Variants in MYO5B observed in about 807,000 individuals in gnomAD.
The protein encoded by MYO5B is unconventional myosin-Vb.
A neutral mutation model predicts 229.3 loss-of-function variants in MYO5B; 143 were observed. The ratio of observed to expected loss-of-function variants is 0.62; its 90% CI spans 0.54 to 0.72. The LOEUF (loss-of-function observed/expected upper bound fraction) is 0.72. Among genes scored for constraint, MYO5B ranks in the 30% least tolerant of loss-of-function variants. The probability of loss-of-function intolerance (pLI) is 0.00; values close to 1 mark genes in which losing one functional copy is unlikely to be tolerated. For missense variants in MYO5B, 2,321 were observed against 2,331.0 expected (o/e 1.00, Z 0.09); for synonymous variants, 918 against 885.2 (o/e 1.04, Z -0.66).
intron 1 of MYO5B, among the ~76,000 whole-genome samples, chr18:50,068,870 T>C (rs2030885690): frequency 6.6e-6 from 1 of 152,200 alleles, no homozygotes; most frequent in Admixed American, 6.5e-5. Context: ...TTAACCACCT[T>C]CCTGCTTCCC....
chr18:49,971,800 A>C (rs892474818), intron 10 of MYO5B, among the ~76,000 whole-genome samples: 1 of 152,192 alleles, frequency 6.6e-6, no homozygotes. Context: ...ACTCAGAGAG[A>C]GTGTGAACTC....
chr18:49,937,372 T>C lies in MYO5B; in HGVS notation c.1778A>G (p.His593Arg), dbSNP rs372264584. 11 of 1,614,016 alleles carry C rather than the reference T, an allele frequency of 6.8e-6. No homozygotes were observed. The highest frequency in any genetic ancestry group is 9.3e-6 in the Non-Finnish European group (11 of 1,179,992). ...GGCAGGAACAGGGTCCTTGTCATCA[T>C]GAAACAAGTCAGCCACTAGTGGGAA... ...SKFPLVADLF[H>R]DDKDPVPATT... Residue 593 changes from histidine to arginine, a missense_variant, in exon 15 of 40, where the codon CAT (histidine) becomes CGT (arginine). His to Arg is a conservative substitution (Grantham distance 29, BLOSUM62 0). This residue lies in a region of MYO5B where 2,113 missense variants were observed against 2,044.7 expected (regional missense o/e 1.03). Coordinates refer to ENST00000285039, the MANE Select transcript of MYO5B (RefSeq NM_001080467.3).
rs1472958519 is a variant in MYO5B at position 49,992,405 on chromosome 18, G to A, written c.639C>T (p.Arg213=). ...TGCCAAAACGGCTGCTGTTGTCATT[G>A]CGGGTGGTCTTGGCATTTCCAATGG... The part of the protein sequence containing the change: ...MEAIGNAKTT[R]NDNSSRFGKY... The change falls in exon 6 of 40, where the codon CGC becomes CGT. Residue 213 remains arginine (R), a synonymous_variant. Transcript: ENST00000285039. 3.1e-6 allele frequency: 5 copies of A among 1,614,138 alleles called. No individual in the cohort carries two copies. Among genetic ancestry groups the A allele is most frequent in the Admixed American group, 1.7e-5 (1 of 60,032 alleles).
In MYO5B at chr18:50,076,247, C is replaced by T. The variant is rs1179959919; in HGVS notation, c.28-20869G>A. Among the ~76,000 whole-genome samples, 3 of 152,288 alleles carry T rather than the reference C, an allele frequency of 2.0e-5. No individual in the cohort carries two copies. The East Asian group carries it at 5.8e-4, about 29-fold the overall frequency. On this transcript the variant is annotated intron_variant, in intron 1 of 39. Coordinates refer to ENST00000285039, the MANE Select transcript of MYO5B (RefSeq NM_001080467.3). ...CGCTCAGGAGGCCGTCAAGATCCTTCCCCTGGCTGCAGAACTGTACGGAAA... is the reference window on the plus strand; with the variant it reads ...CGCTCAGGAGGCCGTCAAGATCCTTTCCCTGGCTGCAGAACTGTACGGAAA...
intron 12 of MYO5B, among the ~76,000 whole-genome samples, chr18:49,959,554 C>T (rs923149615): frequency 6.6e-6 from 1 of 152,214 alleles, no homozygotes. Flanking sequence ...TTTCACTCCA[C>T]AGTCCTGAGT....
At chr18:50,179,817 G>A (rs1309965469) in intron 1 of MYO5B, among the ~76,000 whole-genome samples, 1 of 152,128 alleles carries the variant, frequency 6.6e-6, no homozygotes, top group East Asian at 1.9e-4. Flanking sequence ...CTCCCTTAAT[G>A]CCTAAAGCAT....
At chr18:50,079,893 C>T (rs1054722660) in intron 1 of MYO5B, among the ~76,000 whole-genome samples, 2 of 152,198 alleles carry the variant, frequency 1.3e-5, no homozygotes, top group African/African-American at 4.8e-5. Context: ...GGTTTTGTTG[C>T]CACAGGAGCA....
At chr18:50,107,780 A>T (rs2031788964) in intron 1 of MYO5B, among the ~76,000 whole-genome samples, 1 of 152,244 alleles carries the variant, frequency 6.6e-6, no homozygotes, top group African/African-American at 2.4e-5. Context: ...TTCACATAGC[A>T]TACATGTACT....
chr18:49,843,119 C>T (rs372539330), intron 34 of MYO5B, 122 bp downstream of exon 34: 2 of 1,278,700 alleles, frequency 1.6e-6, no homozygotes, highest in South Asian at 1.2e-5. Flanking sequence ...GGCTCATTTA[C>T]CTTCAAAGTT....
intron 1 of MYO5B, among the ~76,000 whole-genome samples, chr18:50,143,887 A>C (rs2032458147): frequency 6.6e-6 from 1 of 152,144 alleles, no homozygotes. Context: ...TTGCTCTCAC[A>C]GGGGTCTTGC....
intron 1 of MYO5B, among the ~76,000 whole-genome samples, chr18:50,085,157 C>T (rs2031304045): frequency 6.6e-6 from 1 of 152,206 alleles, no homozygotes; most frequent in Admixed American, 6.5e-5. Context: ...ATTTTTGCAA[C>T]CTACTTATCT....
chr18:49,949,337 A>AT (rs1014994690), intron 14 of MYO5B, among the ~76,000 whole-genome samples: 10 of 93,210 alleles, frequency 1.1e-4, no homozygotes, highest in African/African-American at 6.7e-4. Context: ...ACTGGAAAAA[A>AT]AAAAAAAGGA....
chr18:49,868,866 G>A (rs562098998), intron 27 of MYO5B, among the ~76,000 whole-genome samples: 1 of 152,174 alleles, frequency 6.6e-6, no homozygotes, highest in Non-Finnish European at 1.5e-5. Flanking sequence ...CCTTGTGCAG[G>A]GTACGTAGTC....
intron 9 of MYO5B, among the ~76,000 whole-genome samples, chr18:49,976,265 C>G (rs888661553): frequency 2.6e-5 from 4 of 152,178 alleles, no homozygotes; most frequent in Admixed American, 2.0e-4. Flanking sequence ...ACACAGATAA[C>G]TGTATTATTT....
intron 39 of MYO5B, among the ~76,000 whole-genome samples, chr18:49,833,571 G>C (rs955823608): frequency 6.6e-6 from 1 of 152,156 alleles, no homozygotes; most frequent in African/African-American, 2.4e-5. Context: ...CTTTGTCCTT[G>C]ATCCATTAAA....
Position 49,992,414 on chromosome 18 carries a change from C to G in MYO5B, c.630G>C (p.Lys210Asn). The change falls in exon 6 of 40, where the codon AAG becomes AAC. Residue 210 changes from lysine (K) to asparagine (N), a missense_variant. This residue lies in a region of MYO5B where 2,113 missense variants were observed against 2,044.7 expected (regional missense o/e 1.03). Transcript: ENST00000285039. ...GGCTGCTGTTGTCATTGCGGGTGGTCTTGGCATTTCCAATGGCCTGCACAG... is the reference window on the plus strand; with the variant it reads ...GGCTGCTGTTGTCATTGCGGGTGGTGTTGGCATTTCCAATGGCCTGCACAG... ...SPIMEAIGNA[K>N]TTRNDNSSRF... 2 of 1,613,972 alleles carry G rather than the reference C, an allele frequency of 1.2e-6. No homozygotes were observed. Among genetic ancestry groups the G allele is most frequent in the Non-Finnish European group, 1.7e-6 (2 of 1,179,996 alleles).
intron 27 of MYO5B, among the ~76,000 whole-genome samples, 199 bp from the exon 28 acceptor site, chr18:49,864,579 G>A (rs780835421): frequency 6.6e-6 from 1 of 152,222 alleles, no homozygotes; most frequent in East Asian, 1.9e-4. Flanking sequence ...CAAGTCACAA[G>A]TGTGAAGCAC....
intron 1 of MYO5B, among the ~76,000 whole-genome samples, chr18:50,163,182 C>T (rs2032795419): frequency 6.6e-6 from 1 of 152,212 alleles, no homozygotes; most frequent in African/African-American, 2.4e-5. Context: ...CAAAGCCCAA[C>T]CAAGCCTGCT....
rs1405246591 is a variant in MYO5B, at chr18:50,040,171, C to T, written c.282G>A (p.Leu94=). The T allele has an allele frequency of 6.2e-7, 1 of 1,613,940 alleles. No individual in the cohort carries two copies. The highest frequency in any genetic ancestry group is 8.5e-7 in the Non-Finnish European group (1 of 1,180,020). ...AVLHNLKVRF[L]ESNHIYTYCG... ...AGTAAGTGTAGATATGGTTGGACTC[C>T]AGGAAACGGACCTTCAAATTATGCA... The change falls in exon 3 of 40, where the codon CTG becomes CTA. Residue 94 remains leucine (L), a synonymous_variant. Coordinates refer to ENST00000285039, the MANE Select transcript of MYO5B (RefSeq NM_001080467.3).
Sources: gnomAD v4.1 joint callset for allele counts (sites outside exome capture counted in the v4.1 genomes callset) on GRCh38, gnomAD v4.1.1 for gene constraint, gnomAD v4.1.1 regional missense constraint, MANE v1.5 for transcripts, NCBI Gene and HGNC (gene_info 2026-07-23, HGNC 2026-07-21) for gene names.